CSMD1: variants seen among roughly 807,000 people sequenced by gnomAD.
The protein encoded by CSMD1 is CUB and sushi domain-containing protein 1.
Under a neutral mutation model 417.5 loss-of-function variants are expected in CSMD1, and 213 were observed. The observed-to-expected ratio is 0.51, with a 90% CI of 0.46 to 0.57. CSMD1 has a LOEUF of 0.57. Among genes scored for constraint, CSMD1 ranks in the 20% least tolerant of loss-of-function variants. The pLI is 0.00. For synonymous variants in CSMD1, 2,862 were observed against 1,736.8 expected (o/e 1.65, Z -16.11); for missense variants, 6,923 against 4,529.7 (o/e 1.53, Z -15.17).
intron 2 of CSMD1, among the ~76,000 whole-genome samples, chr8:4,546,512 T>C (rs994803608): frequency 6.6e-6 from 1 of 152,282 alleles, no homozygotes; most frequent in East Asian, 1.9e-4. Flanking sequence ...CGGTGAATTT[T>C]CTCTTTTCCA....
chr8:4,341,209 G>A (rs940806788), intron 3 of CSMD1, among the ~76,000 whole-genome samples: 2 of 152,048 alleles, frequency 1.3e-5, no homozygotes, highest in African/African-American at 4.8e-5. Context: ...ATGAAGGCAA[G>A]TTTCCATGGT....
chr8:3,582,284 AG>A lies in CSMD1; in HGVS notation c.1222+3851del, dbSNP rs1305408461. 6.6e-5 allele frequency among the ~76,000 whole-genome samples: 10 copies of A among 152,322 alleles called. No individual in the cohort carries two copies. In the East Asian group the frequency reaches 1.9e-3, roughly 29 times the overall value. ...TTATCTTTTTATAAAAAGTTATAAA[AG>A]CTCCACTTTTATAAATGTTTTTCAC... is the stretch of plus-strand genomic sequence containing the variant. On this transcript the variant is annotated intron_variant, in intron 9 of 69. Transcript: ENST00000635120.
At chr8:2,955,516 A>C in intron 64 of CSMD1, 73 bp downstream of exon 64, 1 of 1,484,054 alleles carries the variant, frequency 6.7e-7, no homozygotes, top group Non-Finnish European at 9.3e-7. Flanking sequence ...ACACGTGGAC[A>C]CTAGCCTGAT....
chr8:3,442,284 G>A (rs1019259996), intron 12 of CSMD1, among the ~76,000 whole-genome samples: 6 of 152,044 alleles, frequency 3.9e-5, no homozygotes, highest in Non-Finnish European at 8.8e-5. Flanking sequence ...TAAATGTACT[G>A]TAGCCTAAGT....
chr8:3,787,866 TAGTATA>T (rs1413474875), intron 5 of CSMD1, among the ~76,000 whole-genome samples: 2 of 152,288 alleles, frequency 1.3e-5, no homozygotes, highest in Admixed American at 6.5e-5. Flanking sequence ...TATCACAAAA[TAGTATA>T]AGTATGAGAG....
chr8:4,035,550 C>T (rs931216668), intron 3 of CSMD1, among the ~76,000 whole-genome samples: 1 of 152,142 alleles, frequency 6.6e-6, no homozygotes, highest in East Asian at 1.9e-4. Flanking sequence ...GAAGAGATGA[C>T]CCCGTGCAGG....
chr8:2,994,464 T>C (rs1362809562), intron 54 of CSMD1, among the ~76,000 whole-genome samples: 9 of 152,146 alleles, frequency 5.9e-5, no homozygotes, highest in African/African-American at 1.9e-4. Flanking sequence ...GCCGGGGCAG[T>C]GGAAAGTTCC....
chr8:4,176,111 C>G (rs1798025271), intron 3 of CSMD1, among the ~76,000 whole-genome samples: 1 of 152,088 alleles, frequency 6.6e-6, no homozygotes, highest in Non-Finnish European at 1.5e-5. Flanking sequence ...TTCTTGTAGA[C>G]AGAAAGTCTC....
chr8:3,550,478 T>C (rs1401995259), intron 10 of CSMD1, among the ~76,000 whole-genome samples: 1 of 152,204 alleles, frequency 6.6e-6, no homozygotes, highest in East Asian at 1.9e-4. Context: ...CGGCTGTGCA[T>C]ATCGATGGGG....
At chr8:4,485,473 G>C (rs1449371281) in intron 2 of CSMD1, among the ~76,000 whole-genome samples, 1 of 152,108 alleles carries the variant, frequency 6.6e-6, no homozygotes, top group African/African-American at 2.4e-5. Flanking sequence ...TATGTGTCTG[G>C]GCTGGGCAGC....
intron 10 of CSMD1, among the ~76,000 whole-genome samples, chr8:3,534,470 C>G (rs1022837950): frequency 1.3e-5 from 2 of 150,884 alleles, no homozygotes; most frequent in Non-Finnish European, 2.9e-5. Context: ...CTTATGACAC[C>G]CTCTCTCATG....
chr8:4,135,635 G>T (rs1198837022), intron 3 of CSMD1, among the ~76,000 whole-genome samples: 1 of 152,114 alleles, frequency 6.6e-6, no homozygotes, highest in Non-Finnish European at 1.5e-5. Context: ...GTTCAAAGAT[G>T]TTTGGGATAA....
chr8:4,178,559 T>C (rs529480122), intron 3 of CSMD1, among the ~76,000 whole-genome samples: 2 of 151,010 alleles, frequency 1.3e-5, no homozygotes, highest in African/African-American at 4.9e-5. Context: ...CTATTCAACA[T>C]AGTGTTGGAA....
chr8:3,817,650 G>A (rs1289058445), intron 5 of CSMD1, among the ~76,000 whole-genome samples: 3 of 152,032 alleles, frequency 2.0e-5, no homozygotes, highest in African/African-American at 4.8e-5. Flanking sequence ...ACACTCCCAT[G>A]TTAAAAACTT....
At chr8:3,963,655 G>C (rs1198832139) in intron 5 of CSMD1, among the ~76,000 whole-genome samples, 2 of 152,156 alleles carry the variant, frequency 1.3e-5, no homozygotes, top group African/African-American at 4.8e-5. Context: ...CTAAAGCTAT[G>C]TGCGTATGAT....
chr8:4,152,229 T>C (rs1475629627), intron 3 of CSMD1, among the ~76,000 whole-genome samples: 1 of 152,204 alleles, frequency 6.6e-6, no homozygotes, highest in African/African-American at 2.4e-5. Flanking sequence ...CTTTCAACAT[T>C]ATTCCCACTT....
chr8:3,287,898 C>T (rs919110470), intron 25 of CSMD1, among the ~76,000 whole-genome samples: 6 of 144,356 alleles, frequency 4.2e-5, no homozygotes, highest in Non-Finnish European at 9.1e-5. Context: ...AAAGGGAATG[C>T]TTCCAGTTTT....
rs539895023 is a variant in CSMD1, at chr8:3,900,009, G to GCC, written c.818+97893_818+97894insGG. Among the ~76,000 whole-genome samples, 97 of 152,372 alleles carry GCC rather than the reference G, an allele frequency of 6.4e-4. 1 individual carries two copies. The highest frequency in any genetic ancestry group is 2.3e-3 in the African/African-American group (95 of 41,592). ...GCAGCTACAGCTGGTTGACAATGCA[G>GCC]CTGGGTGACACTAGCTAGGTGACAC... is the stretch of plus-strand genomic sequence containing the variant. On this transcript the variant is annotated intron_variant, in intron 5 of 69. Coordinates refer to ENST00000635120, the MANE Select transcript of CSMD1 (RefSeq NM_033225.6).
chr8:3,573,975 A>T (rs990564380), intron 10 of CSMD1, among the ~76,000 whole-genome samples: 5 of 152,138 alleles, frequency 3.3e-5, no homozygotes, highest in African/African-American at 1.2e-4. Context: ...GAGTTAAAAA[A>T]ATTCATTTGA....
Sources: allele counts gnomAD v4.1 joint callset (sites outside exome capture counted in the v4.1 genomes callset), GRCh38; gene constraint gnomAD v4.1.1; transcripts MANE v1.5; gene names NCBI Gene and HGNC (gene_info 2026-07-23, HGNC 2026-07-21).